BABAM2: variants seen among roughly 807,000 people sequenced by gnomAD.
The protein encoded by BABAM2 is BRISC and BRCA1-A complex member 2.
A neutral mutation model predicts 54.7 loss-of-function variants in BABAM2; 31 were observed. The ratio of observed to expected loss-of-function variants is 0.57; its 90% CI spans 0.43 to 0.77. The LOEUF is 0.77. BABAM2 is among the 30% of genes least tolerant of loss of function. The pLI is 0.00. For missense variants in BABAM2, 364 were observed against 455.8 expected, an observed-to-expected ratio of 0.80 and a Z score of 1.83; for synonymous variants, 167 against 162.9, an observed-to-expected ratio of 1.03 and a Z score of -0.19.
intron 6 of BABAM2, among the ~76,000 whole-genome samples, chr2:28,081,501 T>C (rs1385672619): frequency 6.6e-6 from 1 of 152,166 alleles, no homozygotes; most frequent in East Asian, 1.9e-4. Flanking sequence ...ACTTTAACAT[T>C]GTAGACATCA....
chr2:28,324,960 A>G (rs749363217), intron 11 of BABAM2, among the ~76,000 whole-genome samples: 8 of 152,208 alleles, frequency 5.3e-5, no homozygotes, highest in Non-Finnish European at 1.2e-4. Context: ...GGCATGTAGT[A>G]GGCACCTCCC....
chr2:28,055,359 G>A (rs1678319207), intron 6 of BABAM2, among the ~76,000 whole-genome samples: 1 of 152,050 alleles, frequency 6.6e-6, no homozygotes, highest in South Asian at 2.1e-4. Context: ...ACCAAACCCT[G>A]TGGCATGCAA....
At chr2:28,186,658 G>A (rs1378949048) in intron 7 of BABAM2, among the ~76,000 whole-genome samples, 1 of 151,994 alleles carries the variant, frequency 6.6e-6, no homozygotes, top group Non-Finnish European at 1.5e-5. Flanking sequence ...ATGTGAGAGA[G>A]AGGGAAAGGA....
chr2:28,321,864 C>T (rs893663572), intron 11 of BABAM2, among the ~76,000 whole-genome samples: 5 of 151,692 alleles, frequency 3.3e-5, no homozygotes, highest in Admixed American at 6.6e-5. Context: ...TTCCTTGTCC[C>T]GGGTCAGTTC....
At chr2:28,053,032 A>T (rs144480148) in intron 6 of BABAM2, among the ~76,000 whole-genome samples, 77 of 152,266 alleles carry the variant, frequency 5.1e-4, no homozygotes, top group African/African-American at 1.7e-3. Flanking sequence ...GAAACTGGTA[A>T]TTTCCCCCCA....
chr2:27,958,424 A>G (rs1438899379), intron 3 of BABAM2, among the ~76,000 whole-genome samples: 4 of 151,522 alleles, frequency 2.6e-5, no homozygotes, highest in Admixed American at 2.6e-4. Context: ...AGTAAACAGC[A>G]TTTAGTTTTT....
intron 4 of BABAM2, among the ~76,000 whole-genome samples, chr2:28,013,640 G>A (rs1246187364): frequency 2.2e-5 from 3 of 133,634 alleles, no homozygotes; most frequent in African/African-American, 8.3e-5. Context: ...GCCAGGGAAT[G>A]GTCTGATTGA....
rs70956008 is a variant in BABAM2, at chr2:28,258,615, C to CTTTTTTTTTTTTTTTTTT, written c.934+13769_934+13770insTTTTTTTTTTTTTTTTTT. On this transcript the variant is annotated intron_variant, in intron 10 of 11. Coordinates refer to ENST00000379624, the MANE Select transcript of BABAM2 (RefSeq NM_199191.3). ...CTTAAGTCTTTTTCTTTTTTCTTTTCTTTTTTTTTTTTTTTTGAGACAGGA... is the reference window on the plus strand; with the variant it reads ...CTTAAGTCTTTTTCTTTTTTCTTTTCTTTTTTTTTTTTTTTTTTTTTTTTTTTTTTTTTTGAGACAGGA... Among the ~76,000 whole-genome samples the CTTTTTTTTTTTTTTTTTT allele has an allele frequency of 1.1e-3, 109 of 100,026 alleles. 4 individuals carry two copies. The highest frequency in any genetic ancestry group is 1.4e-3 in the Non-Finnish European group (73 of 52,168). 65.6% of individuals were successfully genotyped at this position (100,026 alleles called of 152,430 possible).
intron 11 of BABAM2, among the ~76,000 whole-genome samples, chr2:28,337,572 G>A (rs1691583955): frequency 6.6e-6 from 1 of 152,200 alleles, no homozygotes; most frequent in Admixed American, 6.5e-5. Context: ...GGCTGCCCCC[G>A]GTCCTGCCAC....
intron 6 of BABAM2, among the ~76,000 whole-genome samples, chr2:28,098,669 G>T (rs1047345259): frequency 6.6e-6 from 1 of 152,146 alleles, no homozygotes; most frequent in African/African-American, 2.4e-5. Context: ...ATGGATTAAG[G>T]TGTAAACGTG....
At chr2:28,185,020 C>G (rs960821422) in intron 7 of BABAM2, among the ~76,000 whole-genome samples, 1 of 152,112 alleles carries the variant, frequency 6.6e-6, no homozygotes, top group East Asian at 1.9e-4. Context: ...GTTACTCTCA[C>G]AAGTTTACTG....
At chr2:28,032,957 T>C (rs966725634) in intron 5 of BABAM2, among the ~76,000 whole-genome samples, 10 of 152,176 alleles carry the variant, frequency 6.6e-5, no homozygotes, top group Admixed American at 6.5e-5. Flanking sequence ...ATTGGTACAA[T>C]GTATGTGTAT....
intron 3 of BABAM2, among the ~76,000 whole-genome samples, chr2:27,986,039 G>A (rs1418206728): frequency 6.6e-6 from 1 of 152,122 alleles, no homozygotes; most frequent in Admixed American, 6.5e-5. Context: ...ACTGAGCAAG[G>A]AGAGAGATAT....
intron 5 of BABAM2, among the ~76,000 whole-genome samples, chr2:28,040,700 A>G (rs1371032391): frequency 1.3e-5 from 2 of 152,248 alleles, no homozygotes; most frequent in Non-Finnish European, 2.9e-5. Context: ...TAAGGAATGT[A>G]TGATAGGCTT....
chr2:28,078,454 C>T (rs964064847), intron 6 of BABAM2, among the ~76,000 whole-genome samples: 1 of 151,844 alleles, frequency 6.6e-6, no homozygotes, highest in Non-Finnish European at 1.5e-5. Flanking sequence ...AGAAAAAAAC[C>T]CTATGCTGAG....
At chr2:28,244,919 C>A in intron 10 of BABAM2, 57 bp downstream of exon 10, 1 of 1,463,718 alleles carries the variant, frequency 6.8e-7, no homozygotes, top group South Asian at 1.1e-5. Flanking sequence ...TCCTAAACCA[C>A]ATGTAATAAT....
At chr2:27,928,468 A>G (rs1280837962) in intron 2 of BABAM2, among the ~76,000 whole-genome samples, 1 of 113,084 alleles carries the variant, frequency 8.8e-6, no homozygotes, top group African/African-American at 3.1e-5. Context: ...GTTCTTTTTC[A>G]CATTCAAATC....
At chr2:27,992,236 T>C (rs918624560) in intron 4 of BABAM2, among the ~76,000 whole-genome samples, 2 of 152,250 alleles carry the variant, frequency 1.3e-5, no homozygotes, top group African/African-American at 4.8e-5. Flanking sequence ...GATTGTCTTT[T>C]ATTGTTCAGT....
chr2:28,070,556 C>CTTTTCTT (rs57521666), intron 6 of BABAM2, among the ~76,000 whole-genome samples: 1 of 147,236 alleles, frequency 6.8e-6, no homozygotes. Flanking sequence ...CTTTTCTTTT[C>CTTTTCTT]TTTTTTTTTT....
Sources: gnomAD v4.1 joint callset for allele counts (sites outside exome capture counted in the v4.1 genomes callset) on GRCh38, gnomAD v4.1.1 for gene constraint, MANE v1.5 for transcripts, NCBI Gene and HGNC (gene_info 2026-07-23, HGNC 2026-07-21) for gene names.